The following FMNL3 variants were observed in gnomAD, a reference collection of about 807,000 sequenced individuals.
FMNL3 encodes formin-like protein 3.
FMNL3 carries 57 observed loss-of-function variants against 119.6 expected under a neutral mutation model. The ratio of observed to expected loss-of-function variants is 0.48; its 90% confidence interval spans 0.39 to 0.59. The LOEUF (loss-of-function observed/expected upper bound fraction) is 0.59. Ranked by LOEUF, FMNL3 falls within the 20% of genes least tolerant of loss-of-function variation. The probability of loss-of-function intolerance (pLI) is 0.00; values close to 1 mark genes in which losing one functional copy is unlikely to be tolerated. For synonymous variants in FMNL3, 491 were observed against 507.3 expected, an observed-to-expected ratio of 0.97 and a Z score of 0.43; for missense variants, 1,053 against 1,323.5, an observed-to-expected ratio of 0.80 and a Z score of 3.17.
intron 1 of FMNL3, among the ~76,000 whole-genome samples, chr12:49,690,699 C>T (rs1042263416): frequency 6.6e-6 from 1 of 152,138 alleles, no homozygotes; most frequent in African/African-American, 2.4e-5. Flanking sequence ...GTAAACTTTC[C>T]CCTATATTCT....
Position 49,643,978 on chromosome 12 carries a change from C to T in FMNL3, c.*1837G>A, listed in dbSNP as rs770659188. 1 of 1,614,172 alleles carries T rather than the reference C, an allele frequency of 6.2e-7. No homozygotes were observed. The highest frequency in any genetic ancestry group is 8.5e-7 in the Non-Finnish European group (1 of 1,180,032). ...ACAGGCAGAGCTCCCTAACCGTTCC[C>T]CAGGCTTTGGAATCAAGAAGGAGAA... On this transcript the variant is annotated 3_prime_UTR_variant, in exon 26 of 26. Transcript: ENST00000335154.
In FMNL3 at chr12:49,645,126, A is replaced by C. The variant is rs1362654609; in HGVS notation, c.*689T>G. 2 of 151,834 alleles carry C rather than the reference A, an allele frequency of 1.3e-5. No individual in the cohort carries two copies. Among genetic ancestry groups the C allele is most frequent in the South Asian group, 2.1e-4 (1 of 4,814 alleles). The allele number at this position is 151,834 out of a possible 1,614,324, so 9.4% of individuals were successfully genotyped here. A position where few individuals can be genotyped will look rare whatever the true frequency, so the allele number is the denominator to read the frequency against. ...TGCCAAAAAAAAAAAAAAAAAAAAAAAAACCGTAGCTGAGGAAAGAAGGTG... is the reference window on the plus strand; with the variant it reads ...TGCCAAAAAAAAAAAAAAAAAAAAACAAACCGTAGCTGAGGAAAGAAGGTG... On this transcript the variant is annotated 3_prime_UTR_variant, in exon 26 of 26. Coordinates refer to ENST00000335154, the MANE Select transcript of FMNL3 (RefSeq NM_175736.5).
At chr12:49,665,128 T>C (rs939663499) in intron 4 of FMNL3, among the ~76,000 whole-genome samples, 8 of 152,122 alleles carry the variant, frequency 5.3e-5, no homozygotes, top group Admixed American at 2.0e-4. Context: ...CCTTTGCTGA[T>C]TACAGTTTCG....
intron 4 of FMNL3, among the ~76,000 whole-genome samples, chr12:49,665,347 G>A (rs1188413332): frequency 6.6e-6 from 1 of 152,074 alleles, no homozygotes; most frequent in African/African-American, 2.4e-5. Flanking sequence ...ATCTTTCCTG[G>A]TGCTTAAGGA....
chr12:49,682,047 C>T (rs919321356), intron 1 of FMNL3, among the ~76,000 whole-genome samples: 16 of 151,332 alleles, frequency 1.1e-4, no homozygotes, highest in Admixed American at 5.3e-4. Flanking sequence ...TAAGTACATA[C>T]GCAAAATACA....
intron 1 of FMNL3, among the ~76,000 whole-genome samples, chr12:49,686,578 C>CAAAA (rs746062262): frequency 1.6e-5 from 1 of 61,906 alleles, no homozygotes. Context: ...ACTTCATCTC[C>CAAAA]AAAAAAAAAA....
rs181068445 is a variant in FMNL3 at position 49,644,254 on chromosome 12, C to T, written c.*1561G>A. The T allele has an allele frequency of 1.6e-5, 25 of 1,569,446 alleles. No individual in the cohort carries two copies. Among genetic ancestry groups the T allele is most frequent in the East Asian group, 1.4e-4 (6 of 44,420 alleles). On this transcript the variant is annotated 3_prime_UTR_variant, in exon 26 of 26. Coordinates refer to ENST00000335154, the MANE Select transcript of FMNL3 (RefSeq NM_175736.5). ...GCCATGGCTCCTGGGCCACCCTCAC[C>T]GTCTGCCTCAGACTTCTTCCTTAGT...
intron 5 of FMNL3, 81 bp from the exon 6 acceptor site, chr12:49,658,675 AC>A: frequency 3.5e-6 from 5 of 1,438,344 alleles, no homozygotes; most frequent in Non-Finnish European, 3.7e-6. Context: ...CCGTGAGCCC[AC>A]CCCCACCCTT....
chr12:49,683,052 C>A (rs532803226), intron 1 of FMNL3, among the ~76,000 whole-genome samples: 1 of 152,302 alleles, frequency 6.6e-6, no homozygotes, highest in African/African-American at 2.4e-5. Flanking sequence ...CTCGGGTCCA[C>A]TTCTGCCACA....
rs1021814629 is a variant in FMNL3, at chr12:49,643,446, T to G, written c.*2369A>C. 5.3e-6 allele frequency: 8 copies of G among 1,521,156 alleles called. No individual in the cohort carries two copies. Among genetic ancestry groups the G allele is most frequent in the Middle Eastern group, 1.9e-4 (1 of 5,344 alleles). 94.2% of individuals were successfully genotyped at this position (1,521,156 alleles called of 1,614,324 possible). The stretch of plus-strand genomic sequence containing the variant: ...AAGCTGGAGAACTGTTGTCCCAGAC[T>G]GAGAGGATGCCCTCCACAAGCCCCA... On this transcript the variant is annotated 3_prime_UTR_variant, in exon 26 of 26. Coordinates refer to ENST00000335154, the MANE Select transcript of FMNL3 (RefSeq NM_175736.5).
rs140434882 is a variant in FMNL3, at chr12:49,706,777, GGAA to G, written c.126+275_126+277del. Among the ~76,000 whole-genome samples, 641 of 152,344 alleles carry G rather than the reference GGAA, an allele frequency of 4.2e-3. 20 individuals are homozygous for G. In the East Asian group the frequency reaches 0.09, roughly 21 times the overall value. On this transcript the variant is annotated intron_variant, in intron 1 of 25. Transcript: ENST00000335154. ...CGGGAAAAGGGCAGCAGAAGGGGGAGGAAGAAGGAGGGAGAAGCCTGGTTCCTA... is the reference window on the plus strand; with the variant it reads ...CGGGAAAAGGGCAGCAGAAGGGGGAGGAAGGAGGGAGAAGCCTGGTTCCTA...
At chr12:49,688,499 T>C (rs1231006675) in intron 1 of FMNL3, 1 of 455,968 alleles carries the variant, frequency 2.2e-6, no homozygotes, top group Non-Finnish European at 4.4e-6. Context: ...AGTCTGGCCT[T>C]CTTGCAGTTC....
rs563910143 is a variant in FMNL3 at position 49,692,336 on chromosome 12, A to C, written c.126+14719T>G. On this transcript the variant is annotated intron_variant, in intron 1 of 25. Transcript: ENST00000335154. ...AAGAGACCTTGTCTCCAAAAAAAAA[A>C]ACTTCAGTCTACCCCCTCCCTACCC... Among the ~76,000 whole-genome samples the C allele has an allele frequency of 2.6e-5, 4 of 152,138 alleles. No individual in the cohort carries two copies. In the South Asian group the frequency reaches 6.2e-4, roughly 24 times the overall value.
At position 49,643,237 on chromosome 12, in the gene FMNL3, A is replaced by T; in HGVS notation, c.*2578T>A. On this transcript the variant is annotated 3_prime_UTR_variant, in exon 26 of 26. Coordinates refer to ENST00000335154, the MANE Select transcript of FMNL3 (RefSeq NM_175736.5). Reference sequence around the variant, plus strand: ...GATCTGCCCAGGGCTCTGAGTCAGAAGAAGAGGAGCTGCCCCCACCATCTC... The same window carrying T: ...GATCTGCCCAGGGCTCTGAGTCAGATGAAGAGGAGCTGCCCCCACCATCTC... 1 of 1,614,092 alleles carries T rather than the reference A, an allele frequency of 6.2e-7. No homozygotes were observed. The highest frequency in any genetic ancestry group is 8.5e-7 in the Non-Finnish European group (1 of 1,180,014).
Position 49,652,117 on chromosome 12 carries a change from T to C in FMNL3, c.1419A>G (p.Pro473=), listed in dbSNP as rs770632130. 1.4e-5 allele frequency: 23 copies of C among 1,613,240 alleles called. No homozygotes were observed. The highest frequency in any genetic ancestry group is 1.9e-5 in the Non-Finnish European group (22 of 1,179,710). ...CCACAGACTCCAGGCCCCGGACATT[T>C]GGCTCCAAATGACATCGACGCTGAA... is the stretch of plus-strand genomic sequence containing the variant. ...EAFQRRCHLE[P]NVRGLESVDS... Residue 473 remains proline, a synonymous_variant, in exon 14 of 26, where the codon CCA becomes CCG. Transcript: ENST00000335154.
intron 1 of FMNL3, among the ~76,000 whole-genome samples, chr12:49,697,146 CTT>C (rs1298565989): frequency 2.0e-5 from 3 of 152,198 alleles, no homozygotes; most frequent in Non-Finnish European, 4.4e-5. Context: ...CTTATAAAAA[CTT>C]TTACTCTGGC....
Position 49,704,481 on chromosome 12 carries a change from CG to C in FMNL3, c.126+2573del, listed in dbSNP as rs578251367. Among the ~76,000 whole-genome samples the C allele has an allele frequency of 3.4e-4, 52 of 152,194 alleles. No homozygotes were observed. In the East Asian group the frequency reaches 9.5e-3, roughly 28 times the overall value. On this transcript the variant is annotated intron_variant, in intron 1 of 25. Transcript: ENST00000335154. ...ATCCCAGCACTTTGGGAGGCCAAGG[CG>C]GGTGGATCACCTGAGGTCAGGAGTT...
Position 49,638,949 on chromosome 12 carries a change from A to G in FMNL3, c.*6866T>C, listed in dbSNP as rs1201303947. On this transcript the variant is annotated 3_prime_UTR_variant, in exon 26 of 26. Transcript: ENST00000335154. ...CCTTACAAATTCACGTAGGTGTTGC[A>G]TTTTAACACCATATTACCTATTTAA... 1 of 152,242 alleles carries G rather than the reference A, an allele frequency of 6.6e-6. No homozygotes were observed. Among genetic ancestry groups the G allele is most frequent in the Non-Finnish European group, 1.5e-5 (1 of 68,044 alleles). 9.4% of individuals were successfully genotyped at this position (152,242 alleles called of 1,614,324 possible). A position where few individuals can be genotyped will look rare whatever the true frequency, so the allele number is the denominator to read the frequency against.
intron 4 of FMNL3, among the ~76,000 whole-genome samples, chr12:49,663,783 G>A (rs1943806968): frequency 6.6e-6 from 1 of 152,198 alleles, no homozygotes; most frequent in Non-Finnish European, 1.5e-5. Flanking sequence ...CTGCTCTGTG[G>A]CCTTCTCCCA....
Sources: allele counts gnomAD v4.1 joint callset (sites outside exome capture counted in the v4.1 genomes callset), GRCh38; gene constraint gnomAD v4.1.1; transcripts MANE v1.5; gene names NCBI Gene and HGNC (gene_info 2026-07-23, HGNC 2026-07-21).